Variants in CIC observed in about 807,000 individuals in gnomAD.
CIC encodes the protein protein capicua homolog.
In CIC, 18 loss-of-function variants were observed where a neutral mutation model predicts 115.7. The observed-to-expected ratio is 0.16, with a 90% CI of 0.11 to 0.23. The LOEUF (loss-of-function observed/expected upper bound fraction) is 0.23, where lower values mean the gene tolerates loss of function less well. CIC is among the 10% of genes least tolerant of loss of function. The pLI, the probability that CIC is intolerant of heterozygous loss-of-function variation, is 1.00. For missense variants in CIC, 2,000 were observed against 2,159.3 expected (o/e 0.93, Z 1.46); for synonymous variants, 1,076 against 923.0 (o/e 1.17, Z -3.01).
intron 2 of CIC, 113 bp from the exon 3 acceptor site, chr19:42,286,658 G>A: frequency 4.4e-6 from 6 of 1,379,234 alleles, no homozygotes; most frequent in Non-Finnish European, 6.1e-6. Flanking sequence ...TGGTGTTGGG[G>A]GTGGGGGGTA....
chr19:42,292,103 G>T lies in CIC; in HGVS notation c.5631G>T (p.Pro1877=), dbSNP rs374836593. ...CTCCACAGATCATCCAGCTGACCCC[G>T]GTGCCTGTGAGCACACCCAGCGGCC... ...QPPSKIIQLT[P]VPVSTPSGLV... is the part of the protein sequence containing the mutation. The change falls in exon 13 of 21, where the codon CCG becomes CCT. Residue 1877 remains proline, a synonymous_variant. Transcript: ENST00000681038. 1 of 1,613,722 alleles carries T rather than the reference G, an allele frequency of 6.2e-7. No homozygotes were observed. Among genetic ancestry groups the T allele is most frequent in the Admixed American group, 1.7e-5 (1 of 60,004 alleles).
chr19:42,270,384 C>T lies in CIC; in HGVS notation c.-11+1003C>T, dbSNP rs919548749. Among the ~76,000 whole-genome samples the T allele has an allele frequency of 6.6e-6, 1 of 152,194 alleles. No homozygotes were observed. Among genetic ancestry groups the T allele is most frequent in the African/African-American group, 2.4e-5 (1 of 41,440 alleles). Reference sequence around the variant, plus strand: ...TAGCTGGAAGACTGAGTCGGGGTTGCCTCTCATTGTGTTTGGCTTATGGTT... The same window carrying T: ...TAGCTGGAAGACTGAGTCGGGGTTGTCTCTCATTGTGTTTGGCTTATGGTT... On this transcript the variant is annotated intron_variant, in intron 1 of 20. Coordinates refer to ENST00000681038, the MANE Select transcript of CIC (RefSeq NM_001386298.1). This position sits in a 1 kb window ranked among gnomAD's most constrained non-coding sequence, Gnocchi z 4.1.
intron 10 of CIC, 70 bp from the exon 11 acceptor site, chr19:42,290,163 C>T (rs2037968985): frequency 1.1e-5 from 17 of 1,602,120 alleles, no homozygotes; most frequent in African/African-American, 1.3e-5. Context: ...GCTGGATGGG[C>T]ATGGCTAGGG....
chr19:42,292,172 T>G lies in CIC; in HGVS notation c.5700T>G (p.Ser1900=), dbSNP rs768564742. ...LSPATLPGPT[S]QPQKVLLPSS... is the part of the protein sequence containing the mutation. ...CAGCCACACTCCCTGGACCCACCTCTCAGCCTCAGAAGGTCCTGTTGCCCT... is the reference window on the plus strand; with the variant it reads ...CAGCCACACTCCCTGGACCCACCTCGCAGCCTCAGAAGGTCCTGTTGCCCT... The change falls in exon 13 of 21, where the codon TCT becomes TCG. Residue 1900 remains serine, a synonymous_variant. Transcript: ENST00000681038. The G allele has an allele frequency of 2.5e-6, 4 of 1,613,870 alleles. No individual in the cohort carries two copies. Among genetic ancestry groups the G allele is most frequent in the East Asian group, 2.2e-5 (1 of 44,850 alleles).
At chr19:42,285,555 C>A (rs1294292118) in intron 2 of CIC, among the ~76,000 whole-genome samples, 2 of 152,232 alleles carry the variant, frequency 1.3e-5, no homozygotes, top group Non-Finnish European at 2.9e-5. Context: ...CAGTGCCTCG[C>A]ACAGAGCTCC....
intron 2 of CIC, chr19:42,284,306 C>G (rs2037435357): frequency 6.8e-6 from 1 of 146,458 alleles, no homozygotes; most frequent in Non-Finnish European, 1.5e-5. Context: ...GGGGGCCGCC[C>G]CCGCGCACGC....
intron 17 of CIC, 39 bp from the exon 18 acceptor site, chr19:42,293,896 C>T (rs1180930702): frequency 6.2e-7 from 1 of 1,612,980 alleles, no homozygotes; most frequent in Non-Finnish European, 8.5e-7. Context: ...GGAGCAGCTG[C>T]AGGCTGAGGC....
chr19:42,275,304 G>A (rs961992339), intron 2 of CIC, among the ~76,000 whole-genome samples: 4 of 152,232 alleles, frequency 2.6e-5, no homozygotes, highest in South Asian at 2.1e-4. Flanking sequence ...TCACAGGCAC[G>A]GCCATGGAAG....
In CIC at chr19:42,295,262, G is replaced by GT; in HGVS notation, c.*73dup. On this transcript the variant is annotated 3_prime_UTR_variant, in exon 21 of 21. Coordinates refer to ENST00000681038, the MANE Select transcript of CIC (RefSeq NM_001386298.1). Reference sequence around the variant, plus strand: ...ATGGACAGTATGTGGGGGCAGGAAGGTTATCTCCTCCCGGGTAAAGCCATT... The same window carrying GT: ...ATGGACAGTATGTGGGGGCAGGAAGGTTTATCTCCTCCCGGGTAAAGCCATT... 7.4e-7 allele frequency: 1 copy of GT among 1,360,478 alleles called. No individual in the cohort carries two copies. The highest frequency in any genetic ancestry group is 1.4e-5 in the African/African-American group (1 of 69,384). 84.3% of individuals were successfully genotyped at this position (1,360,478 alleles called of 1,614,324 possible).
chr19:42,286,676 GGGGTGGGGCTACCTCATCTA>G, intron 2 of CIC, 75 bp from the exon 3 acceptor site: 1 of 1,540,426 alleles, frequency 6.5e-7, no homozygotes, highest in South Asian at 1.1e-5. Context: ...GTAGACAAAA[GGGGTGGGGCTACCTCATCTA>G]GGGTGGGGAA....
Position 42,287,527 on chromosome 19 carries a change from G to C in CIC, c.3310-18G>C, listed in dbSNP as rs2147194193. Reference sequence around the variant, plus strand: ...TGCCAGGTCCTAACTGTCCCGCTCTGGGCTGTGTTTAATGCAGCGGGAGAA... The same window carrying C: ...TGCCAGGTCCTAACTGTCCCGCTCTCGGCTGTGTTTAATGCAGCGGGAGAA... On this transcript the variant is annotated intron_variant, in intron 5 of 20. Transcript: ENST00000681038. The surrounding 1 kb of genome is among the most constrained non-coding windows in gnomAD (Gnocchi z 8.7). 1 of 1,612,864 alleles carries C rather than the reference G, an allele frequency of 6.2e-7. No homozygotes were observed. Among genetic ancestry groups the C allele is most frequent in the African/African-American group, 1.3e-5 (1 of 75,050 alleles).
chr19:42,292,258 G>T, intron 13 of CIC, 42 bp from the exon 14 acceptor site: 1 of 1,613,664 alleles, frequency 6.2e-7, no homozygotes. Flanking sequence ...GTGGGGCGGG[G>T]CCGGCTTACC....
At chr19:42,293,433 C>A in intron 16 of CIC, 152 bp downstream of exon 16, 1 of 1,378,202 alleles carries the variant, frequency 7.3e-7, no homozygotes, top group Non-Finnish European at 1.0e-6. Flanking sequence ...TGTGTTGTCT[C>A]CTCTCCCATC....
rs2038452174 is a variant in CIC, at chr19:42,295,510, G to C, written c.*319G>C. On this transcript the variant is annotated 3_prime_UTR_variant, in exon 21 of 21. Transcript: ENST00000681038. ...CAAGCTGGAGGGTGGTGCAGGCCTT[G>C]GGCCACAGGGAGGCGCCTGTGGAAT... 1 of 320,498 alleles carries C rather than the reference G, an allele frequency of 3.1e-6. No homozygotes were observed. Among genetic ancestry groups the C allele is most frequent in the Non-Finnish European group, 5.8e-6 (1 of 172,138 alleles). 19.9% of individuals were successfully genotyped at this position (320,498 alleles called of 1,614,324 possible).
rs28469564 is a variant in CIC at position 42,287,310 on chromosome 19, C to A, written c.3180-10C>A. The stretch of plus-strand genomic sequence containing the variant: ...ACATGGCCCTCACTGTCCCTGCTGC[C>A]CCGCCGCAGCTTCCTCTCCATCATG... On this transcript the variant is annotated splice_polypyrimidine_tract_variant and intron_variant, in intron 4 of 20. Transcript: ENST00000681038. This position sits in a 1 kb window ranked among gnomAD's most constrained non-coding sequence, Gnocchi z 8.7. 25 of 1,613,860 alleles carry A rather than the reference C, an allele frequency of 1.5e-5. No individual in the cohort carries two copies. The highest frequency in any genetic ancestry group is 2.2e-5 in the South Asian group (2 of 91,080).
intron 2 of CIC, among the ~76,000 whole-genome samples, chr19:42,277,516 C>T (rs2037031060): frequency 6.6e-6 from 1 of 152,178 alleles, no homozygotes; most frequent in African/African-American, 2.4e-5. Flanking sequence ...AGGCTTGGGT[C>T]ACCACACCGA....
At chr19:42,293,490 A>G in intron 16 of CIC, 102 bp from the exon 17 acceptor site, 3 of 1,581,136 alleles carry the variant, frequency 1.9e-6, no homozygotes, top group Non-Finnish European at 2.6e-6. Context: ...CAGCCTTCTC[A>G]AGGGGTCTGC....
In CIC at chr19:42,289,335, C is replaced by T. The variant is rs1368378311; in HGVS notation, c.4016C>T (p.Ala1339Val). 7 of 1,613,764 alleles carry T rather than the reference C, an allele frequency of 4.3e-6. No homozygotes were observed. Among genetic ancestry groups the T allele is most frequent in the African/African-American group, 4.0e-5 (3 of 74,924 alleles). ...CGAGCTTCTCGTTCTCAGCGTGCGG[C>T]CAGTGAGGACATGACGAGTGATGAG... Reference protein sequence around the residue: ...PTRASRSQRAASEDMTSDEER... With the variant: ...PTRASRSQRAVSEDMTSDEER... Residue 1339 changes from alanine to valine, a missense_variant, in exon 9 of 21, where the codon GCC becomes GTC. Ala to Val is a moderately conservative substitution (Grantham distance 64). Coordinates refer to ENST00000681038, the MANE Select transcript of CIC (RefSeq NM_001386298.1).
rs1485622991 is a variant in CIC, at chr19:42,291,186, A to G, written c.5145A>G (p.Val1715=). 1.9e-6 allele frequency: 3 copies of G among 1,609,592 alleles called. No individual in the cohort carries two copies. The highest frequency in any genetic ancestry group is 2.5e-6 in the Non-Finnish European group (3 of 1,177,936). The part of the protein sequence containing the change: ...AGAGSGPNGP[V]PLGILQPGAL... The stretch of plus-strand genomic sequence containing the variant: ...CTGGGAGTGGCCCCAATGGGCCAGT[A>G]CCCCTGGGCATCCTGCAACCAGGTG... Residue 1715 remains valine (V), a synonymous_variant, in exon 11 of 21, where the codon GTA becomes GTG. Coordinates refer to ENST00000681038, the MANE Select transcript of CIC (RefSeq NM_001386298.1).
Sources: allele counts gnomAD v4.1 joint callset (sites outside exome capture counted in the v4.1 genomes callset), GRCh38; gene constraint gnomAD v4.1.1; non-coding constraint Gnocchi (gnomAD v3.1); transcripts MANE v1.5; gene names NCBI Gene and HGNC (gene_info 2026-07-23, HGNC 2026-07-21).